The following CYP2C8 variants were observed in gnomAD, a reference collection of about 807,000 sequenced individuals.
CYP2C8 encodes cytochrome P450 2C8.
A neutral mutation model predicts 41.3 loss-of-function variants in CYP2C8; 51 were observed. The observed-to-expected ratio is 1.24, with a 90% CI of 0.99 to 1.56. CYP2C8 has a LOEUF of 1.56. Among genes scored for constraint, CYP2C8 ranks in the 40% most tolerant of loss-of-function variants. The probability of loss-of-function intolerance (pLI) is 0.00; values close to 1 mark genes in which losing one functional copy is unlikely to be tolerated. For synonymous variants in CYP2C8, 218 were observed against 205.8 expected (o/e 1.06, Z -0.51); for missense variants, 651 against 579.9 (o/e 1.12, Z -1.26).
chr10:95,066,153 AGTGTGTGTGT>A (rs113983526), intron 3 of CYP2C8, among the ~76,000 whole-genome samples: 58 of 88,246 alleles, frequency 6.6e-4, no homozygotes, highest in Non-Finnish European at 1.0e-3. Context: ...AGAGAGAGAG[AGTGTGTGTGT>A]GTGTGTGTGT....
Position 95,036,867 on chromosome 10 carries a change from G to C in CYP2C8, c.*261C>G. The C allele has an allele frequency of 2.0e-6, 1 of 489,136 alleles. No individual in the cohort carries two copies. Among genetic ancestry groups the C allele is most frequent in the East Asian group, 3.7e-5 (1 of 27,180 alleles). 30.3% of individuals were successfully genotyped at this position (489,136 alleles called of 1,614,324 possible). ...TAATCACTTTTCTGTGTTTTACAGTGATAACATATTAAAAAGTCAGCATTA... is the reference window on the plus strand; with the variant it reads ...TAATCACTTTTCTGTGTTTTACAGTCATAACATATTAAAAAGTCAGCATTA... On this transcript the variant is annotated 3_prime_UTR_variant, in exon 9 of 9. Coordinates refer to ENST00000371270, the MANE Select transcript of CYP2C8 (RefSeq NM_000770.3).
chr10:95,051,526 G>C (rs1054920175), intron 5 of CYP2C8, among the ~76,000 whole-genome samples: 2 of 152,006 alleles, frequency 1.3e-5, no homozygotes, highest in Non-Finnish European at 2.9e-5. Flanking sequence ...ACACCAAGCA[G>C]ATTAAACCCA....
chr10:95,043,005 A>G lies in CYP2C8; in HGVS notation c.1034T>C (p.Met345Thr), dbSNP rs2033034320. The G allele has an allele frequency of 3.7e-6, 6 of 1,614,112 alleles. No individual in the cohort carries two copies. The highest frequency in any genetic ancestry group is 5.1e-6 in the Non-Finnish European group (6 of 1,180,028). Reference sequence around the variant, plus strand: ...GTGCACTACAGCATCAGTGTAAGGCATGTGGCTCCTATCCTGCATGCAGGG... The same window carrying G: ...GTGCACTACAGCATCAGTGTAAGGCGTGTGGCTCCTATCCTGCATGCAGGG... ...RSPCMQDRSH[M>T]PYTDAVVHEI... Residue 345 changes from methionine to threonine, a missense_variant, in exon 7 of 9, where the codon ATG becomes ACG. Transcript: ENST00000371270.
At chr10:95,068,123 G>C (rs1271593072) in intron 1 of CYP2C8, among the ~76,000 whole-genome samples, 1 of 152,156 alleles carries the variant, frequency 6.6e-6, no homozygotes, top group Non-Finnish European at 1.5e-5. Context: ...CCACTACCCA[G>C]CTAAAGACTT....
At chr10:95,048,541 G>A (rs2033152566) in intron 5 of CYP2C8, among the ~76,000 whole-genome samples, 1 of 152,146 alleles carries the variant, frequency 6.6e-6, no homozygotes, top group African/African-American at 2.4e-5. Context: ...CAATGTATTG[G>A]GTTTGTGAAC....
At position 95,062,342 on chromosome 10, in the gene CYP2C8, T is replaced by C. The variant is rs185771687; in HGVS notation, c.642+2458A>G. 2.7e-3 allele frequency among the ~76,000 whole-genome samples: 405 copies of C among 152,336 alleles called. 2 individuals carry two copies. Among genetic ancestry groups the C allele is most frequent in the Non-Finnish European group, 3.8e-3 (259 of 68,028 alleles). On this transcript the variant is annotated intron_variant, in intron 4 of 8. Transcript: ENST00000371270. ...GGTGCTCCTGTATTGGGTGCATATA[T>C]ATTTAGGATAGTTAGCTCTTCTTAT...
intron 8 of CYP2C8, 143 bp downstream of exon 8, chr10:95,038,754 G>A (rs1051189550): frequency 9.4e-6 from 7 of 745,954 alleles, no homozygotes; most frequent in Non-Finnish European, 1.6e-5. Flanking sequence ...TGAGGGTGGA[G>A]CACATGGGTG....
chr10:95,067,562 A>G lies in CYP2C8; in HGVS notation c.298T>C (p.Ser100Pro), dbSNP rs1260708282. ...TTAGTAATTCTTTGAGATATTGGGGAATTGCCTCTTCCAGAAAACTCCTCT... is the reference window on the plus strand; with the variant it reads ...TTAGTAATTCTTTGAGATATTGGGGGATTGCCTCTTCCAGAAAACTCCTCT... ...NGEEFSGRGN[S>P]PISQRITKGL... The change falls in exon 2 of 9, where the codon TCC becomes CCC. Residue 100 changes from serine (S) to proline (P), a missense_variant. By Grantham distance (74) the Ser-to-Pro change is moderately conservative (BLOSUM62 -1). Coordinates refer to ENST00000371270, the MANE Select transcript of CYP2C8 (RefSeq NM_000770.3). The G allele has an allele frequency of 6.2e-6, 10 of 1,614,132 alleles. No homozygotes were observed. Among genetic ancestry groups the G allele is most frequent in the Non-Finnish European group, 7.6e-6 (9 of 1,180,028 alleles).
chr10:95,066,249 TTTAAAAAGGTAA>T (rs964259439), intron 3 of CYP2C8, among the ~76,000 whole-genome samples: 9 of 149,600 alleles, frequency 6.0e-5, no homozygotes, highest in African/African-American at 2.2e-4. Flanking sequence ...GGAGAGTGAA[TTTAAAAAGGTAA>T]TTTTATATCC....
chr10:95,061,255 T>C (rs571160137), intron 4 of CYP2C8, among the ~76,000 whole-genome samples: 123 of 152,356 alleles, frequency 8.1e-4, no homozygotes, highest in African/African-American at 2.7e-3. Flanking sequence ...AATTTGGCTG[T>C]GAATCCACCT....
chr10:95,056,655 C>T (rs1187371396), intron 5 of CYP2C8, among the ~76,000 whole-genome samples: 1 of 152,134 alleles, frequency 6.6e-6, no homozygotes, highest in Non-Finnish European at 1.5e-5. Context: ...GAAAAAAGAT[C>T]ACATATGCCA....
chr10:95,069,062 C>CAA (rs34026025), intron 1 of CYP2C8, 173 bp downstream of exon 1: 778 of 650,228 alleles, frequency 1.2e-3, no homozygotes, highest in Middle Eastern at 3.1e-3. Context: ...GACTCCGTCT[C>CAA]AAAAAAAAAA....
At chr10:95,041,457 A>G (rs557465471) in intron 7 of CYP2C8, among the ~76,000 whole-genome samples, 4 of 152,344 alleles carry the variant, frequency 2.6e-5, no homozygotes, top group Admixed American at 2.6e-4. Flanking sequence ...TGTCTTTTAG[A>G]ACAGCCAGAA....
In CYP2C8 at chr10:95,068,726, G is replaced by A. The variant is rs529921040; in HGVS notation, c.168+509C>T. On this transcript the variant is annotated intron_variant, in intron 1 of 8. Coordinates refer to ENST00000371270, the MANE Select transcript of CYP2C8 (RefSeq NM_000770.3). ...CCCAATGTTTCTGTATTCACAAAAT[G>A]CATCAACTCACTCCGCTATTTCTGA... The A allele has an allele frequency of 1.3e-5, 9 of 695,864 alleles. No individual in the cohort carries two copies. The East Asian group carries it at 5.9e-4, about 45-fold the overall frequency. The allele number at this position is 695,864 out of a possible 1,614,324, so 43.1% of individuals were successfully genotyped here.
In CYP2C8 at chr10:95,068,465, C is replaced by T. The variant is rs1253784856; in HGVS notation, c.168+770G>A. On this transcript the variant is annotated intron_variant, in intron 1 of 8. Transcript: ENST00000371270. ...TGCACTTATGTTTGCCCTGAACCCA[C>T]AGATATTTATTTCACATCAGCCATC... The T allele has an allele frequency of 5.2e-6, 3 of 581,218 alleles. No homozygotes were observed. In the African/African-American group the frequency reaches 5.8e-5, roughly 11 times the overall value. 36.0% of individuals were successfully genotyped at this position (581,218 alleles called of 1,614,324 possible).
intron 5 of CYP2C8, among the ~76,000 whole-genome samples, chr10:95,056,877 C>CT (rs2033324505): frequency 1.3e-5 from 2 of 152,202 alleles, no homozygotes; most frequent in South Asian, 4.1e-4. Context: ...GGGTTCCTGG[C>CT]TTTGCCCAGA....
chr10:95,051,579 A>G (rs2033215458), intron 5 of CYP2C8, among the ~76,000 whole-genome samples: 1 of 152,112 alleles, frequency 6.6e-6, no homozygotes. Context: ...ACTCCCAAAG[A>G]TGTCCTGAAT....
chr10:95,064,719 T>A (rs2033521177), intron 4 of CYP2C8, 81 bp downstream of exon 4: 2 of 1,333,096 alleles, frequency 1.5e-6, no homozygotes, highest in Non-Finnish European at 2.1e-6. Context: ...CATTTTAGTA[T>A]CAATTTTCTC....
chr10:95,066,151 AGAGTGT>A (rs1187073291), intron 3 of CYP2C8, among the ~76,000 whole-genome samples: 199 of 82,764 alleles, frequency 2.4e-3, no homozygotes, highest in African/African-American at 7.5e-3. Flanking sequence ...AGAGAGAGAG[AGAGTGT>A]GTGTGTGTGT....
Sources: allele counts gnomAD v4.1 joint callset (sites outside exome capture counted in the v4.1 genomes callset), GRCh38; gene constraint gnomAD v4.1.1; transcripts MANE v1.5; gene names NCBI Gene and HGNC (gene_info 2026-07-23, HGNC 2026-07-21).